The following PRKG1 variants were observed in gnomAD, a reference collection of about 807,000 sequenced individuals.
The protein encoded by PRKG1 is protein kinase cGMP-dependent 1.
Under a neutral mutation model 88.1 loss-of-function variants are expected in PRKG1, and 35 were observed. That is an observed-to-expected ratio of 0.40 (90% CI 0.30 to 0.53). The LOEUF is 0.53. Ranked by LOEUF, PRKG1 falls within the 20% of genes least tolerant of loss-of-function variation. PRKG1 has a pLI of 0.59. For synonymous variants in PRKG1, 303 were observed against 292.5 expected, an observed-to-expected ratio of 1.04 and a Z score of -0.37; for missense variants, 540 against 839.8, an observed-to-expected ratio of 0.64 and a Z score of 4.41.
rs1839403852 is a variant in PRKG1, at chr10:51,450,493, G to A, written c.479-17230G>A. ...AAGTTAGCTGGCAAGTAATGAGATG[G>A]AATTCATGATGTTGGACTTCTAACA... On this transcript the variant is annotated intron_variant, in intron 2 of 17. Transcript: ENST00000373980. Among the ~76,000 whole-genome samples, 4 of 151,894 alleles carry A rather than the reference G, an allele frequency of 2.6e-5. No homozygotes were observed. The South Asian group carries it at 8.3e-4, about 31-fold the overall frequency.
chr10:51,201,571 G>A (rs968530202), intron 2 of PRKG1, among the ~76,000 whole-genome samples: 15 of 152,174 alleles, frequency 9.9e-5, no homozygotes, highest in Admixed American at 2.0e-4. Context: ...AAATGCCTGT[G>A]TCTCTCCAAA....
At chr10:52,274,206 A>T (rs1407141657) in intron 12 of PRKG1, among the ~76,000 whole-genome samples, 2 of 152,094 alleles carry the variant, frequency 1.3e-5, no homozygotes, top group Non-Finnish European at 2.9e-5. Flanking sequence ...GATTTGTGAG[A>T]TTTTGGTGTA....
intron 9 of PRKG1, among the ~76,000 whole-genome samples, chr10:52,232,946 C>T (rs928699085): frequency 3.9e-5 from 6 of 152,028 alleles, no homozygotes; most frequent in South Asian, 2.1e-4. Flanking sequence ...TAAATAAGAC[C>T]GAGAATCCAA....
Position 51,391,775 on chromosome 10 carries a change from A to C in PRKG1, c.479-75948A>C, listed in dbSNP as rs114104674. Among the ~76,000 whole-genome samples the C allele has an allele frequency of 3.4e-3, 524 of 152,354 alleles. 4 individuals carry two copies. The highest frequency in any genetic ancestry group is 0.012 in the African/African-American group (487 of 41,590). On this transcript the variant is annotated intron_variant, in intron 2 of 17. Coordinates refer to ENST00000373980, the MANE Select transcript of PRKG1 (RefSeq NM_006258.4). ...CCCTGAATATTTTGTTCTCTTGTTG[A>C]CATGAGCATTGACTGCTTTTTTGCC... is the stretch of plus-strand genomic sequence containing the variant.
chr10:51,994,800 AT>A (rs1564743548), intron 5 of PRKG1, among the ~76,000 whole-genome samples: 1 of 152,166 alleles, frequency 6.6e-6, no homozygotes, highest in East Asian at 1.9e-4. Context: ...TATTTGACAT[AT>A]GGAGCACTGA....
chr10:52,095,125 C>T (rs1589602045), intron 7 of PRKG1, among the ~76,000 whole-genome samples: 1 of 152,174 alleles, frequency 6.6e-6, no homozygotes, highest in East Asian at 1.9e-4. Flanking sequence ...TGTTTTACTT[C>T]TCCCCTCTAT....
At chr10:51,315,786 G>A (rs945115779) in intron 2 of PRKG1, among the ~76,000 whole-genome samples, 1 of 152,182 alleles carries the variant, frequency 6.6e-6, no homozygotes, top group South Asian at 2.1e-4. Flanking sequence ...GGGGATTTGA[G>A]AGAAAGCTCC....
intron 3 of PRKG1, among the ~76,000 whole-genome samples, chr10:51,597,446 G>A (rs1193634190): frequency 6.6e-6 from 1 of 152,148 alleles, no homozygotes; most frequent in Non-Finnish European, 1.5e-5. Flanking sequence ...TTTGCAATGT[G>A]AGGGAATGAT....
intron 2 of PRKG1, among the ~76,000 whole-genome samples, chr10:51,248,579 A>G (rs890078872): frequency 1.6e-4 from 25 of 151,908 alleles, no homozygotes; most frequent in Admixed American, 1.3e-4. Flanking sequence ...AACAGAATCC[A>G]TTTAGTTCAT....
chr10:51,047,513 T>C (rs998107345), intron 1 of PRKG1, among the ~76,000 whole-genome samples: 1 of 151,826 alleles, frequency 6.6e-6, no homozygotes, highest in Non-Finnish European at 1.5e-5. Context: ...ATGAGATAAA[T>C]TGAGCTTACA....
intron 7 of PRKG1, among the ~76,000 whole-genome samples, chr10:52,124,001 A>G (rs1035354323): frequency 1.3e-5 from 2 of 152,042 alleles, no homozygotes. Flanking sequence ...AAGCTATTGT[A>G]TATGTTCTAT....
intron 5 of PRKG1, chr10:51,911,331 A>AC (rs1053486857): frequency 6.8e-6 from 1 of 146,838 alleles, no homozygotes; most frequent in African/African-American, 2.5e-5. Flanking sequence ...AAAAAAAAAA[A>AC]AAAACCCAAC....
At chr10:51,876,990 G>T (rs1841315902) in intron 4 of PRKG1, among the ~76,000 whole-genome samples, 1 of 152,126 alleles carries the variant, frequency 6.6e-6, no homozygotes, top group Non-Finnish European at 1.5e-5. Flanking sequence ...TCAGCTCACA[G>T]ATAAACTGTT....
chr10:51,084,546 G>A (rs1404601215), intron 1 of PRKG1, among the ~76,000 whole-genome samples: 2 of 152,134 alleles, frequency 1.3e-5, no homozygotes, highest in Non-Finnish European at 2.9e-5. Context: ...TAAGATAGAT[G>A]TAATTTAATT....
intron 5 of PRKG1, among the ~76,000 whole-genome samples, chr10:52,025,533 C>T (rs940510880): frequency 9.9e-5 from 15 of 152,004 alleles, no homozygotes; most frequent in African/African-American, 3.6e-4. Context: ...CCAGTTTCAG[C>T]TTTCTCCATA....
At chr10:51,338,364 C>A (rs1373369141) in intron 2 of PRKG1, among the ~76,000 whole-genome samples, 1 of 152,106 alleles carries the variant, frequency 6.6e-6, no homozygotes, top group Non-Finnish European at 1.5e-5. Context: ...CACACATTTA[C>A]CTACGTAACA....
chr10:51,075,751 G>A (rs1482122857), intron 1 of PRKG1, among the ~76,000 whole-genome samples: 3 of 152,226 alleles, frequency 2.0e-5, no homozygotes, highest in East Asian at 1.9e-4. Flanking sequence ...TAGCCTTTTA[G>A]GGAACTGTGC....
chr10:51,525,436 C>T (rs1011299879), intron 3 of PRKG1, among the ~76,000 whole-genome samples: 2 of 152,268 alleles, frequency 1.3e-5, no homozygotes, highest in Admixed American at 6.5e-5. Context: ...CAGTGGCTCA[C>T]GCCTGTAATC....
intron 5 of PRKG1, among the ~76,000 whole-genome samples, chr10:52,042,637 G>T (rs1297149873): frequency 6.6e-6 from 1 of 151,978 alleles, no homozygotes; most frequent in Non-Finnish European, 1.5e-5. Flanking sequence ...AACATATAAG[G>T]GAAATGCTTC....
Sources: allele counts gnomAD v4.1 joint callset (sites outside exome capture counted in the v4.1 genomes callset), GRCh38; gene constraint gnomAD v4.1.1; transcripts MANE v1.5; gene names NCBI Gene and HGNC (gene_info 2026-07-23, HGNC 2026-07-21).